SCG3: variants seen among roughly 807,000 people sequenced by gnomAD.
The protein encoded by SCG3 is secretogranin III, also known as secretogranin-3.
Under a neutral mutation model 56.2 loss-of-function variants are expected in SCG3, and 38 were observed. That is an observed-to-expected ratio of 0.68 (90% confidence interval 0.52 to 0.89). The LOEUF (loss-of-function observed/expected upper bound fraction) is 0.89. Ranked by LOEUF, SCG3 falls within the 40% of genes least tolerant of loss-of-function variation. The pLI is 0.00. For missense variants in SCG3, 524 were observed against 540.7 expected, an observed-to-expected ratio of 0.97 and a Z score of 0.31; for synonymous variants, 176 against 184.2, an observed-to-expected ratio of 0.96 and a Z score of 0.36.
At chr15:51,695,761 T>TG in intron 7 of SCG3, 114 bp from the exon 8 acceptor site, 2 of 630,496 alleles carry the variant, frequency 3.2e-6, no homozygotes, top group East Asian at 2.7e-5. Context: ...ACCTCGTCTT[T>TG]GAAAAAAAAA....
rs755838120 is a variant in SCG3 at position 51,688,398 on chromosome 15, G to T, written c.536G>T (p.Gly179Val). The T allele has an allele frequency of 1.2e-6, 2 of 1,612,800 alleles. No individual in the cohort carries two copies. Among genetic ancestry groups the T allele is most frequent in the Non-Finnish European group, 1.7e-6 (2 of 1,179,096 alleles). ...DKIVSKLLNL[G>V]LITESQAHTL... is the part of the protein sequence containing the mutation. ...ATTGTTTCTAAACTACTTAATCTCGGCCTTGTAAGTCATTTGGTAGGAAAT... is the reference window on the plus strand; with the variant it reads ...ATTGTTTCTAAACTACTTAATCTCGTCCTTGTAAGTCATTTGGTAGGAAAT... The change falls in exon 5 of 12, where the codon GGC (glycine) becomes GTC (valine). Residue 179 changes from glycine (G) to valine (V), a missense_variant. Coordinates refer to ENST00000220478, the MANE Select transcript of SCG3 (RefSeq NM_013243.4).
intron 11 of SCG3, among the ~76,000 whole-genome samples, chr15:51,717,309 A>T (rs1280706471): frequency 1.3e-5 from 2 of 151,484 alleles, no homozygotes; most frequent in Non-Finnish European, 2.9e-5. Flanking sequence ...TGGAGCTTGC[A>T]GTGAGCTGAG....
chr15:51,718,974 CCGAAGTGTGGTTCCTAGACCAA>C (rs879568991), intron 11 of SCG3, among the ~76,000 whole-genome samples: 9 of 152,220 alleles, frequency 5.9e-5, no homozygotes, highest in Admixed American at 5.9e-4. Flanking sequence ...GCACTTAACC[CCGAAGTGTGGTTCCTAGACCAA>C]CAGCATCAGT....
chr15:51,713,339 C>T lies in SCG3; in HGVS notation c.1214C>T (p.Thr405Ile), dbSNP rs763589860. Residue 405 changes from threonine to isoleucine, a missense_variant, in exon 11 of 12, where the codon ACA (threonine) becomes ATA (isoleucine). Transcript: ENST00000220478. Reference protein sequence around the residue: ...GGKTDEPKGKTEAYLEAIRKN... With the variant: ...GGKTDEPKGKIEAYLEAIRKN... ...GTTCTCTTACCTCTTCCAGGAAAAA[C>T]AGAAGCCTATTTGGAAGCCATCAGA... 2 of 1,593,458 alleles carry T rather than the reference C, an allele frequency of 1.3e-6. No individual in the cohort carries two copies. The highest frequency in any genetic ancestry group is 3.6e-5 in the Admixed American group (2 of 54,896).
At chr15:51,690,052 C>T (rs991756348) in intron 6 of SCG3, among the ~76,000 whole-genome samples, 1 of 152,154 alleles carries the variant, frequency 6.6e-6, no homozygotes, top group East Asian at 1.9e-4. Context: ...AACATCTGTT[C>T]ACAGCAGATG....
At chr15:51,688,437 A>C (rs927245209) in intron 5 of SCG3, 35 bp downstream of exon 5, 2 of 1,602,386 alleles carry the variant, frequency 1.2e-6, no homozygotes, top group Non-Finnish European at 8.5e-7. Context: ...CCAAATTCCT[A>C]GTGCAGTTTA....
At position 51,712,587 on chromosome 15, in the gene SCG3, G is replaced by A. The variant is rs140288643; in HGVS notation, c.1208-746G>A. On this transcript the variant is annotated intron_variant, in intron 10 of 11. Transcript: ENST00000220478. ...TGTGTAGCCTTAGCCTACTCACTTC[G>A]CCTCTCTGAGCCCCAGATTCCTCAT... Among the ~76,000 whole-genome samples, 167 of 152,204 alleles carry A rather than the reference G, an allele frequency of 1.1e-3. 2 individuals are homozygous for A. In the East Asian group the frequency reaches 0.028, roughly 26 times the overall value.
intron 10 of SCG3, among the ~76,000 whole-genome samples, chr15:51,711,762 G>A (rs2055422325): frequency 6.6e-6 from 1 of 152,176 alleles, no homozygotes; most frequent in Admixed American, 6.5e-5. Context: ...TGAAATCAAG[G>A]AAGTTTCTAC....
intron 4 of SCG3, among the ~76,000 whole-genome samples, chr15:51,687,999 G>C (rs563980209): frequency 2.0e-5 from 3 of 152,190 alleles, no homozygotes; most frequent in African/African-American, 7.2e-5. Context: ...AATAAATGGA[G>C]ACTACTTTTC....
chr15:51,696,252 T>A (rs868134426), intron 8 of SCG3, among the ~76,000 whole-genome samples: 1 of 152,326 alleles, frequency 6.6e-6, no homozygotes, highest in African/African-American at 2.4e-5. Context: ...GACAATTTTA[T>A]AAAAATTTGA....
At chr15:51,692,452 C>G (rs1458181008) in intron 7 of SCG3, 116 bp downstream of exon 7, 1 of 930,080 alleles carries the variant, frequency 1.1e-6, no homozygotes, top group African/African-American at 1.7e-5. Flanking sequence ...ATGACATACA[C>G]TGTGGGCTTG....
In SCG3 at chr15:51,681,645, CA is replaced by C; in HGVS notation, c.-110del. ...CCCAGTCCCGGCCCCTCTCCCGCCC[CA>C]CACCCACCCTCCTGGCTCTTCCTGT... On this transcript the variant is annotated 5_prime_UTR_variant, in exon 1 of 12. Transcript: ENST00000220478. 1 of 500,498 alleles carries C rather than the reference CA, an allele frequency of 2.0e-6. No individual in the cohort carries two copies. The highest frequency in any genetic ancestry group is 4.0e-6 in the Non-Finnish European group (1 of 253,126). The allele number at this position is 500,498 out of a possible 1,614,324, so 31.0% of individuals were successfully genotyped here.
chr15:51,713,475 T>C (rs2055434006), intron 11 of SCG3, 62 bp downstream of exon 11: 1 of 1,137,756 alleles, frequency 8.8e-7, no homozygotes, highest in South Asian at 1.4e-5. Flanking sequence ...TCTTGTTATA[T>C]AAAAATTCCC....
intron 10 of SCG3, among the ~76,000 whole-genome samples, chr15:51,712,171 T>C (rs1486909889): frequency 6.6e-6 from 1 of 152,198 alleles, no homozygotes; most frequent in Non-Finnish European, 1.5e-5. Context: ...ACAATGCATT[T>C]TGGAGCATAA....
At chr15:51,689,107 C>A in intron 5 of SCG3, 112 bp from the exon 6 acceptor site, 1 of 1,181,184 alleles carries the variant, frequency 8.5e-7, no homozygotes, top group Non-Finnish European at 1.2e-6. Context: ...AAAGATGGTT[C>A]AGAAGATTCC....
At chr15:51,686,328 G>C (rs1012435947) in intron 4 of SCG3, among the ~76,000 whole-genome samples, 1 of 152,214 alleles carries the variant, frequency 6.6e-6, no homozygotes, top group Non-Finnish European at 1.5e-5. Flanking sequence ...GGAGACCTAA[G>C]TTCCTGGCTC....
chr15:51,698,091 A>G (rs941122581), intron 8 of SCG3, among the ~76,000 whole-genome samples: 3 of 152,230 alleles, frequency 2.0e-5, no homozygotes, highest in Admixed American at 2.0e-4. Flanking sequence ...CTATTTCCAA[A>G]AAGAAAGCAA....
intron 10 of SCG3, chr15:51,707,913 G>A (rs1446819508): frequency 6.6e-6 from 1 of 152,132 alleles, no homozygotes; most frequent in African/African-American, 2.4e-5. Context: ...AAAACCTAAT[G>A]TCTTTAGTAT....
chr15:51,692,839 A>G (rs2055276450), intron 7 of SCG3, among the ~76,000 whole-genome samples: 2 of 152,182 alleles, frequency 1.3e-5, no homozygotes, highest in Non-Finnish European at 2.9e-5. Context: ...TAGTGTATCT[A>G]TCACCTTATA....
Sources: gnomAD v4.1 joint callset for allele counts (sites outside exome capture counted in the v4.1 genomes callset) on GRCh38, gnomAD v4.1.1 for gene constraint, MANE v1.5 for transcripts, NCBI Gene and HGNC (gene_info 2026-07-23, HGNC 2026-07-21) for gene names.